Variants in CAPN3 observed in about 807,000 individuals in gnomAD.
CAPN3 encodes calpain-3.
CAPN3 carries 88 observed loss-of-function variants against 114.0 expected under a neutral mutation model. The observed-to-expected ratio is 0.77, with a 90% CI of 0.65 to 0.92. CAPN3 has a LOEUF of 0.92. Among genes scored for constraint, CAPN3 ranks in the 40% least tolerant of loss-of-function variants. The probability of loss-of-function intolerance (pLI) is 0.00; values close to 1 mark genes in which losing one functional copy is unlikely to be tolerated. For missense variants in CAPN3, 1,028 were observed against 1,069.0 expected (o/e 0.96, Z 0.53); for synonymous variants, 386 against 382.9 (o/e 1.01, Z -0.09).
At position 42,410,888 on chromosome 15, in the gene CAPN3, C is replaced by G; in HGVS notation, c.2268C>G (p.Phe756Leu). The part of the protein sequence containing the change: ...EMRNAVNDAG[F>L]HLNNQLYDII... Reference sequence around the variant, plus strand: ...CTAACATGGTCCCCTCCACAGGATTCCACCTCAACAACCAGCTCTATGACA... The same window carrying G: ...CTAACATGGTCCCCTCCACAGGATTGCACCTCAACAACCAGCTCTATGACA... The change falls in exon 22 of 24, where the codon TTC (phenylalanine) becomes TTG (leucine). Residue 756 changes from phenylalanine (F) to leucine (L), a missense_variant. Transcript: ENST00000397163. 6.2e-7 allele frequency: 1 copy of G among 1,613,198 alleles called. No individual in the cohort carries two copies. The highest frequency in any genetic ancestry group is 8.5e-7 in the Non-Finnish European group (1 of 1,179,080).
rs189687912 is a variant in CAPN3 at position 42,380,607 on chromosome 15, A to G, written c.310-3876A>G. 8.7e-4 allele frequency among the ~76,000 whole-genome samples: 126 copies of G among 145,518 alleles called. 1 individual carries two copies. The highest frequency in any genetic ancestry group is 2.8e-3 in the African/African-American group (109 of 38,834). ...TGTGTATGTATATATATGTATGTGTATATATATATGTATGTATATGTGTGT... is the reference window on the plus strand; with the variant it reads ...TGTGTATGTATATATATGTATGTGTGTATATATATGTATGTATATGTGTGT... On this transcript the variant is annotated intron_variant, in intron 1 of 23. Transcript: ENST00000397163.
intron 3 of CAPN3, 98 bp downstream of exon 3, chr15:42,386,383 C>A: frequency 1.2e-6 from 1 of 858,994 alleles, no homozygotes; most frequent in Non-Finnish European, 2.0e-6. Context: ...AACTTCCCAC[C>A]CATCTACCCG....
intron 7 of CAPN3, among the ~76,000 whole-genome samples, 155 bp downstream of exon 7, chr15:42,392,877 G>T (rs1265592211): frequency 6.6e-6 from 1 of 152,206 alleles, no homozygotes; most frequent in Non-Finnish European, 1.5e-5. Context: ...GAGCAGAGGG[G>T]CCTGTGAAAC....
chr15:42,393,201 A>G (rs28364446), intron 7 of CAPN3, among the ~76,000 whole-genome samples: 2,261 of 152,268 alleles, frequency 0.015, 55 homozygotes, highest in African/African-American at 0.052. Context: ...ACTTTAAGTC[A>G]TCTCTGGATT....
intron 1 of CAPN3, among the ~76,000 whole-genome samples, chr15:42,379,961 A>G (rs537339832): frequency 6.6e-6 from 1 of 152,226 alleles, no homozygotes; most frequent in Non-Finnish European, 1.5e-5. Context: ...TACTAAAAAT[A>G]CAAAATTAGC....
At position 42,394,416 on chromosome 15, in the gene CAPN3, C is replaced by T. The variant is rs2053638777; in HGVS notation, c.1115+75C>T. 1.0e-5 allele frequency: 12 copies of T among 1,150,230 alleles called. No individual in the cohort carries two copies. The South Asian group carries it at 1.5e-4, about 14-fold the overall frequency. 71.3% of individuals were successfully genotyped at this position (1,150,230 alleles called of 1,614,324 possible). On this transcript the variant is annotated intron_variant, in intron 8 of 23. Coordinates refer to ENST00000397163, the MANE Select transcript of CAPN3 (RefSeq NM_000070.3). The stretch of plus-strand genomic sequence containing the variant: ...GGACAAGGCTGTGTTGGGAACTGAG[C>T]CATGAGAGTATTGAAGATGCTTGGT...
intron 12 of CAPN3, chr15:42,402,494 C>T: frequency 7.0e-7 from 1 of 1,430,454 alleles, no homozygotes; most frequent in Non-Finnish European, 9.1e-7. Flanking sequence ...CCAGCCAAGT[C>T]CTCTAGGCCT....
intron 8 of CAPN3, 47 bp from the exon 9 acceptor site, chr15:42,396,753 G>A: frequency 6.2e-6 from 9 of 1,447,264 alleles, no homozygotes; most frequent in Non-Finnish European, 7.8e-6. Context: ...ACCTACATCA[G>A]GCCTTCCCTT....
In CAPN3 at chr15:42,399,539, G is replaced by C; in HGVS notation, c.1241G>C (p.Cys414Ser). The C allele has an allele frequency of 6.2e-7, 1 of 1,613,792 alleles. No individual in the cohort carries two copies. Among genetic ancestry groups the C allele is most frequent in the Non-Finnish European group, 8.5e-7 (1 of 1,179,758 alleles). Residue 414 changes from cysteine to serine, a missense_variant, in exon 10 of 24, where the codon TGC becomes TCC. Coordinates refer to ENST00000397163, the MANE Select transcript of CAPN3 (RefSeq NM_000070.3). ...FIYHFTKLEI[C>S]NLTADALQSD... ...TACCATTTCACAAAGTTGGAGATCTGCAACCTCACGGCCGATGCTCTGCAG... is the reference window on the plus strand; with the variant it reads ...TACCATTTCACAAAGTTGGAGATCTCCAACCTCACGGCCGATGCTCTGCAG...
chr15:42,411,694 G>GGT (rs1555423382), intron 23 of CAPN3, 53 bp from the exon 24 acceptor site: 1 of 776,544 alleles, frequency 1.3e-6, no homozygotes, highest in Non-Finnish European at 2.1e-6. Context: ...AGGGCGGGGG[G>GGT]GGGGGGGGTC....
chr15:42,378,114 C>G (rs997561201), intron 1 of CAPN3, among the ~76,000 whole-genome samples: 1 of 152,212 alleles, frequency 6.6e-6, no homozygotes, highest in Non-Finnish European at 1.5e-5. Flanking sequence ...CTCACAGATA[C>G]TAAGGAAGGT....
At chr15:42,384,583 A>C (rs997474922) in intron 2 of CAPN3, 31 bp downstream of exon 2, 108 of 1,479,918 alleles carry the variant, frequency 7.3e-5, no homozygotes, top group Non-Finnish European at 1.0e-4. Flanking sequence ...AGATCCTGCC[A>C]GATGATCAAG....
rs531772537 is a variant in CAPN3 at position 42,402,431 on chromosome 15, G to A, written c.1536+296G>A. ...CAGCCACACACACAGTCACACAGAC[G>A]CGTTCTGAGGGTGGCTGCCCGCTTG... On this transcript the variant is annotated intron_variant, in intron 12 of 23. Coordinates refer to ENST00000397163, the MANE Select transcript of CAPN3 (RefSeq NM_000070.3). 1.7e-5 allele frequency: 24 copies of A among 1,432,998 alleles called. No homozygotes were observed. In the Middle Eastern group the frequency reaches 1.0e-3, roughly 62 times the overall value. 88.8% of individuals were successfully genotyped at this position (1,432,998 alleles called of 1,614,324 possible).
At position 42,411,764 on chromosome 15, in the gene CAPN3, G is replaced by A. The variant is rs145669864; in HGVS notation, c.2457G>A (p.Met819Ile). The A allele has an allele frequency of 4.4e-6, 7 of 1,592,518 alleles. No individual in the cohort carries two copies. Among genetic ancestry groups the A allele is most frequent in the African/African-American group, 1.4e-5 (1 of 72,182 alleles). Residue 819 changes from methionine (M) to isoleucine (I), a missense_variant, in exon 24 of 24, where the codon ATG becomes ATA. Physicochemically the swap from Met to Ile is conservative, Grantham distance 10 (BLOSUM62 1). Coordinates refer to ENST00000397163, the MANE Select transcript of CAPN3 (RefSeq NM_000070.3). ...LNVLEWLQLT[M>I]YA The stretch of plus-strand genomic sequence containing the variant: ...TCTTTCAGTGGCTGCAGCTCACCAT[G>A]TATGCCTGAACCAGGCTGGCCTCAT...
At chr15:42,368,725 ATTC>A (rs2052853244) in intron 1 of CAPN3, among the ~76,000 whole-genome samples, 1 of 152,204 alleles carries the variant, frequency 6.6e-6, no homozygotes, top group Non-Finnish European at 1.5e-5. Flanking sequence ...TTTTCTCTGT[ATTC>A]TTAAATATTA....
chr15:42,384,903 C>T (rs1238963993), intron 2 of CAPN3, among the ~76,000 whole-genome samples: 1 of 152,164 alleles, frequency 6.6e-6, no homozygotes, highest in South Asian at 2.1e-4. Flanking sequence ...ACCAAGCATG[C>T]CCCTTGGGCA....
At chr15:42,386,306 T>G (rs1425421999) in intron 3 of CAPN3, 21 bp downstream of exon 3, 1 of 1,542,962 alleles carries the variant, frequency 6.5e-7, no homozygotes, top group Admixed American at 1.7e-5. Context: ...GAGAGTGTAG[T>G]TAAGAGGGCC....
intron 1 of CAPN3, among the ~76,000 whole-genome samples, chr15:42,375,423 G>T (rs2053064718): frequency 1.3e-5 from 2 of 152,012 alleles, no homozygotes; most frequent in Admixed American, 1.3e-4. Context: ...CAACCGAGAA[G>T]CCCCTTGTGT....
chr15:42,410,762 A>G, intron 21 of CAPN3, 96 bp downstream of exon 21: 2 of 1,355,484 alleles, frequency 1.5e-6, no homozygotes, highest in Non-Finnish European at 2.1e-6. Flanking sequence ...TAGAGAAAGG[A>G]GAGGGAAAGG....
Sources: gnomAD v4.1 joint callset for allele counts (sites outside exome capture counted in the v4.1 genomes callset) on GRCh38, gnomAD v4.1.1 for gene constraint, MANE v1.5 for transcripts, NCBI Gene and HGNC (gene_info 2026-07-23, HGNC 2026-07-21) for gene names.